Variants in EHBP1L1 observed in about 807,000 individuals in gnomAD.
The protein encoded by EHBP1L1 is EH domain-binding protein 1-like protein 1.
Under a neutral mutation model 151.1 loss-of-function variants are expected in EHBP1L1, and 122 were observed. That is an observed-to-expected ratio of 0.81 (90% confidence interval 0.70 to 0.94). The LOEUF (loss-of-function observed/expected upper bound fraction) is 0.94, where lower values mean the gene tolerates loss of function less well. Among genes scored for constraint, EHBP1L1 ranks in the 40% least tolerant of loss-of-function variants. The pLI is 0.00. For synonymous variants in EHBP1L1, 878 were observed against 810.1 expected (o/e 1.08, Z -1.42); for missense variants, 1,941 against 1,959.8 (o/e 0.99, Z 0.18).
Position 65,584,491 on chromosome 11 carries a change from A to C in EHBP1L1, c.3257A>C (p.Tyr1086Ser). The part of the protein sequence containing the change: ...LHRFYPDKID[Y>S]ASLDPLNIKQ... ...GACCAGCACACTCTCTGCAGTGACT[A>C]TGCCTCGCTAGACCCACTCAACATC... The change falls in exon 11 of 19, where the codon TAT (tyrosine) becomes TCT (serine). Residue 1086 changes from tyrosine to serine, a missense_variant. By Grantham distance (144) the Tyr-to-Ser change is moderately radical. Transcript: ENST00000309295. 5 of 1,613,142 alleles carry C rather than the reference A, an allele frequency of 3.1e-6. No individual in the cohort carries two copies. Among genetic ancestry groups the C allele is most frequent in the Non-Finnish European group, 4.2e-6 (5 of 1,179,748 alleles).
At position 65,576,106 on chromosome 11, in the gene EHBP1L1, C is replaced by G; in HGVS notation, c.-197C>G. 2.8e-6 allele frequency: 1 copy of G among 360,350 alleles called. No individual in the cohort carries two copies. Among genetic ancestry groups the G allele is most frequent in the East Asian group, 4.4e-5 (1 of 22,968 alleles). 22.3% of individuals were successfully genotyped at this position (360,350 alleles called of 1,614,324 possible). A position where few individuals can be genotyped will look rare whatever the true frequency, so the allele number is the denominator to read the frequency against. On this transcript the variant is annotated 5_prime_UTR_variant, in exon 1 of 19. Transcript: ENST00000309295. ...TCGCCACCCGACGCGCCCCAGGCGA[C>G]CCCGCAGACTCAGCCAGACCACCCT...
chr11:65,584,240 G>A lies in EHBP1L1; in HGVS notation c.3094-1G>A. On this transcript the variant is annotated splice_acceptor_variant, in intron 9 of 18. Coordinates refer to ENST00000309295, the MANE Select transcript of EHBP1L1 (RefSeq NM_001099409.3). LOFTEE classifies it high-confidence loss of function. ...CCCTAAGCCCACCCCTGTGTCCTCA[G>A]GCACCACCTGCCCTGGTCAGCTCCA... 2 of 1,607,026 alleles carry A rather than the reference G, an allele frequency of 1.2e-6. No individual in the cohort carries two copies. The highest frequency in any genetic ancestry group is 1.7e-6 in the Non-Finnish European group (2 of 1,177,830).
chr11:65,576,540 T>G, intron 1 of EHBP1L1, 134 bp downstream of exon 1: 3 of 755,784 alleles, frequency 4.0e-6, no homozygotes, highest in East Asian at 3.0e-5. Context: ...CCTGGTTCCG[T>G]TCCCAGGCTC....
Position 65,585,646 on chromosome 11 carries a change from A to G in EHBP1L1, c.3933+55A>G, listed in dbSNP as rs1283689730. 6.6e-7 allele frequency: 1 copy of G among 1,525,818 alleles called. No homozygotes were observed. The highest frequency in any genetic ancestry group is 8.8e-7 in the Non-Finnish European group (1 of 1,140,726). The allele number at this position is 1,525,818 out of a possible 1,614,324, so 94.5% of individuals were successfully genotyped here. ...CGCCGCAGCGCGGGGTCCCGGGAAG[A>G]TGGGCAGAGAACGGGCGAGCCCCCA... is the stretch of plus-strand genomic sequence containing the variant. On this transcript the variant is annotated intron_variant, in intron 12 of 18. Coordinates refer to ENST00000309295, the MANE Select transcript of EHBP1L1 (RefSeq NM_001099409.3). The surrounding 1 kb of genome is among the most constrained non-coding windows in gnomAD (Gnocchi z 4.0).
chr11:65,578,294 C>T (rs7935877), intron 1 of EHBP1L1: 16,813 of 152,456 alleles, frequency 0.11, 1,351 homozygotes, highest in African/African-American at 0.22. Flanking sequence ...CGAGGGATGG[C>T]GGTGTTGGTT....
chr11:65,583,027 G>A lies in EHBP1L1; in HGVS notation c.2355G>A (p.Gly785=). The A allele has an allele frequency of 6.2e-7, 1 of 1,612,978 alleles. No homozygotes were observed. The highest frequency in any genetic ancestry group is 8.5e-7 in the Non-Finnish European group (1 of 1,179,488). The change falls in exon 9 of 19, where the codon GGG becomes GGA. Residue 785 remains glycine (G), a synonymous_variant. Transcript: ENST00000309295. ...GTQEIASRDS[G]VPGLEADTTG... ...AAGAGATAGCATCTAGGGATTCAGGGGTCCCAGGGTTAGAAGCTGATACAA... is the reference window on the plus strand; with the variant it reads ...AAGAGATAGCATCTAGGGATTCAGGAGTCCCAGGGTTAGAAGCTGATACAA...
chr11:65,583,733 G>A lies in EHBP1L1; in HGVS notation c.3061G>A (p.Ala1021Thr), dbSNP rs1338602334. The change falls in exon 9 of 19, where the codon GCT (alanine) becomes ACT (threonine). Residue 1021 changes from alanine (A) to threonine (T), a missense_variant. Transcript: ENST00000309295. ...GCCCAGGGCCTCTTCCCCAGAGAAG[G>A]CTGAAGAGGACAGGAGGCTGCCGGG... is the stretch of plus-strand genomic sequence containing the variant. Reference protein sequence around the residue: ...GAPRASSPEKAEEDRRLPGSQ... With the variant: ...GAPRASSPEKTEEDRRLPGSQ... The A allele has an allele frequency of 6.5e-7, 1 of 1,534,118 alleles. No individual in the cohort carries two copies.
Position 65,590,594 on chromosome 11 carries a change from T to A in EHBP1L1, c.4283+2T>A, listed in dbSNP as rs1191903775. 2 of 1,612,964 alleles carry A rather than the reference T, an allele frequency of 1.2e-6. No individual in the cohort carries two copies. Among genetic ancestry groups the A allele is most frequent in the African/African-American group, 2.7e-5 (2 of 74,918 alleles). On this transcript the variant is annotated splice_donor_variant, in intron 16 of 18. Transcript: ENST00000309295. LOFTEE classifies it high-confidence loss of function. ...GAGGCAGGACCAGCTGCAGCTGCTG[T>A]GAGTGCTGGCCCCGGGCCAGGAGAG...
chr11:65,581,442 C>T, intron 8 of EHBP1L1, 69 bp downstream of exon 8: 1 of 1,442,920 alleles, frequency 6.9e-7, no homozygotes, highest in Non-Finnish European at 9.2e-7. Context: ...CCCCCACCAA[C>T]CTGCCTCCAG....
chr11:65,588,330 C>T (rs552287920), intron 12 of EHBP1L1, among the ~76,000 whole-genome samples: 2 of 152,120 alleles, frequency 1.3e-5, no homozygotes, highest in East Asian at 1.9e-4. Context: ...GGTGTCTAGG[C>T]GTGGCTCAGG....
At chr11:65,592,140 C>T (rs938111972) in intron 18 of EHBP1L1, 50 bp downstream of exon 18, 5 of 1,610,050 alleles carry the variant, frequency 3.1e-6, no homozygotes, top group Middle Eastern at 1.6e-4. Context: ...GGGACTTGCT[C>T]CCGCAGAGGG....
At position 65,592,070 on chromosome 11, in the gene EHBP1L1, C is replaced by A. The variant is rs777613668; in HGVS notation, c.4452C>A (p.Asp1484Glu). 6 of 1,613,350 alleles carry A rather than the reference C, an allele frequency of 3.7e-6. No homozygotes were observed. The highest frequency in any genetic ancestry group is 5.1e-6 in the Non-Finnish European group (6 of 1,179,646). ...LVNQRDELVRDLDHKERIALE... is the reference protein window; with the variant it reads ...LVNQRDELVRELDHKERIALE... Reference sequence around the variant, plus strand: ...ACCAGCGCGATGAGCTAGTCCGGGACCTGGACCACAAGGAGCGGATGTGAG... The same window carrying A: ...ACCAGCGCGATGAGCTAGTCCGGGAACTGGACCACAAGGAGCGGATGTGAG... Residue 1484 changes from aspartate (D) to glutamate (E), a missense_variant, in exon 18 of 19, where the codon GAC (aspartate) becomes GAA (glutamate). Coordinates refer to ENST00000309295, the MANE Select transcript of EHBP1L1 (RefSeq NM_001099409.3).
At chr11:65,591,620 G>A (rs1169267137) in intron 16 of EHBP1L1, 180 bp from the exon 17 acceptor site, 2 of 641,872 alleles carry the variant, frequency 3.1e-6, no homozygotes, top group Non-Finnish European at 5.7e-6. Flanking sequence ...GGAGAAAACA[G>A]AAGAAAAGCG....
chr11:65,579,109 C>T lies in EHBP1L1; in HGVS notation c.136C>T (p.Arg46Cys), dbSNP rs772602480. The T allele has an allele frequency of 2.1e-5, 34 of 1,594,620 alleles. No homozygotes were observed. The highest frequency in any genetic ancestry group is 9.1e-5 in the South Asian group (8 of 87,700). ...QPDKLVVVWT[R>C]RNRRICSKAH... Reference sequence around the variant, plus strand: ...AGATAAGCTGGTGGTGGTATGGACCCGTCGGAACCGACGCATCTGCTCCAA... The same window carrying T: ...AGATAAGCTGGTGGTGGTATGGACCTGTCGGAACCGACGCATCTGCTCCAA... Residue 46 changes from arginine (R) to cysteine (C), a missense_variant, in exon 2 of 19, where the codon CGT (arginine) becomes TGT (cysteine). Arg to Cys is a radical substitution (Grantham distance 180, BLOSUM62 -3). Transcript: ENST00000309295.
Position 65,582,460 on chromosome 11 carries a change from G to GACT in EHBP1L1, c.1790_1792dup (p.Thr597dup), listed in dbSNP as rs1186313753. The GACT allele has an allele frequency of 6.2e-7, 1 of 1,612,850 alleles. No homozygotes were observed. Among genetic ancestry groups the GACT allele is most frequent in the Non-Finnish European group, 8.5e-7 (1 of 1,179,824 alleles). Reference sequence around the variant, plus strand: ...AAGTTGAGGGGTCAGGGTTCCCAGAGACTAGGACACTAGAAATTGAGATAT... The same window carrying GACT: ...AAGTTGAGGGGTCAGGGTTCCCAGAGACTACTAGGACACTAGAAATTGAGATAT... On this transcript the variant is annotated inframe_insertion, in exon 9 of 19. Coordinates refer to ENST00000309295, the MANE Select transcript of EHBP1L1 (RefSeq NM_001099409.3).
rs1468156394 is a variant in EHBP1L1, at chr11:65,582,806, C to T, written c.2134C>T (p.Pro712Ser). ...QETEVEASRV[P>S]ESEAEGTEAK... Reference sequence around the variant, plus strand: ...GACAGAGGTGGAAGCTTCTAGGGTACCAGAGTCAGAGGCTGAGGGGACAGA... The same window carrying T: ...GACAGAGGTGGAAGCTTCTAGGGTATCAGAGTCAGAGGCTGAGGGGACAGA... Residue 712 changes from proline (P) to serine (S), a missense_variant, in exon 9 of 19, where the codon CCA becomes TCA. Pro to Ser is a moderately conservative substitution (Grantham distance 74). Coordinates refer to ENST00000309295, the MANE Select transcript of EHBP1L1 (RefSeq NM_001099409.3). The T allele has an allele frequency of 9.9e-6, 16 of 1,612,834 alleles. No individual in the cohort carries two copies. The highest frequency in any genetic ancestry group is 1.4e-5 in the Non-Finnish European group (16 of 1,179,606).
Position 65,584,988 on chromosome 11 carries a change from G to T in EHBP1L1, c.3330G>T (p.Val1110=). The change falls in exon 12 of 19, where the codon GTG becomes GTT. Residue 1110 remains valine (V), a synonymous_variant. Transcript: ENST00000309295. The part of the protein sequence containing the change: ...QAFDGFAALG[V]SRLLEPADMV... ...TCGATGGCTTCGCGGCTCTGGGCGT[G>T]TCGCGGCTGCTGGAGCCCGCGGACA... 6.5e-7 allele frequency: 1 copy of T among 1,534,340 alleles called. No homozygotes were observed. The highest frequency in any genetic ancestry group is 8.7e-7 in the Non-Finnish European group (1 of 1,146,236).
intron 12 of EHBP1L1, among the ~76,000 whole-genome samples, chr11:65,587,963 A>T (rs1200592844): frequency 6.6e-6 from 1 of 152,206 alleles, no homozygotes; most frequent in Non-Finnish European, 1.5e-5. Context: ...GGTAGATATT[A>T]GCTGCTGTTA....
chr11:65,576,474 A>G, intron 1 of EHBP1L1, 68 bp downstream of exon 1: 4 of 1,411,426 alleles, frequency 2.8e-6, no homozygotes, highest in South Asian at 1.3e-5. Flanking sequence ...TTTGAGCCTG[A>G]GAGGACTCTG....
Sources: allele counts gnomAD v4.1 joint callset (sites outside exome capture counted in the v4.1 genomes callset), GRCh38; gene constraint gnomAD v4.1.1; non-coding constraint Gnocchi (gnomAD v3.1); transcripts MANE v1.5; gene names NCBI Gene and HGNC (gene_info 2026-07-23, HGNC 2026-07-21).